Variants in GPR158 observed in about 807,000 individuals in gnomAD.
The protein encoded by GPR158 is metabotropic glycine receptor.
A neutral mutation model predicts 78.2 loss-of-function variants in GPR158; 30 were observed. That is an observed-to-expected ratio of 0.38 (90% CI 0.29 to 0.52). The LOEUF (loss-of-function observed/expected upper bound fraction) is 0.52. Among genes scored for constraint, GPR158 ranks in the 20% least tolerant of loss-of-function variants. The probability of loss-of-function intolerance (pLI) is 0.83; values close to 1 mark genes in which losing one functional copy is unlikely to be tolerated. For missense variants in GPR158, 1,463 were observed against 1,523.5 expected (o/e 0.96, Z 0.66); for synonymous variants, 581 against 591.1 (o/e 0.98, Z 0.25).
chr10:25,372,568 C>T (rs7089751), intron 2 of GPR158, among the ~76,000 whole-genome samples: 5,371 of 146,546 alleles, frequency 0.037, 267 homozygotes, highest in African/African-American at 0.11. Flanking sequence ...GGGACATGGA[C>T]GAAATTGGAA....
rs140843745 is a variant in GPR158 at position 25,480,922 on chromosome 10, G to A, written c.1404+14203G>A. Among the ~76,000 whole-genome samples, 395 of 152,238 alleles carry A rather than the reference G, an allele frequency of 2.6e-3. 2 individuals are homozygous for A. Among genetic ancestry groups the A allele is most frequent in the Admixed American group, 0.01 (157 of 15,282 alleles). On this transcript the variant is annotated intron_variant, in intron 5 of 10. Coordinates refer to ENST00000376351, the MANE Select transcript of GPR158 (RefSeq NM_020752.3). ...ATCCCTTTCATCAGGTATTAGTACTGGAAGACACCTTCGTGGCTCTTGTCT... is the reference window on the plus strand; with the variant it reads ...ATCCCTTTCATCAGGTATTAGTACTAGAAGACACCTTCGTGGCTCTTGTCT...
chr10:25,192,374 T>C (rs926039967), intron 1 of GPR158, among the ~76,000 whole-genome samples: 8 of 152,222 alleles, frequency 5.3e-5, no homozygotes, highest in East Asian at 3.8e-4. Flanking sequence ...CGGGCAGTTC[T>C]TTGTAGCAGT....
intron 4 of GPR158, among the ~76,000 whole-genome samples, chr10:25,433,882 A>G (rs2987841): frequency 0.7 from 105,867 of 151,268 alleles, 38,041 homozygotes; most frequent in Non-Finnish European, 0.8. Flanking sequence ...TAAATTGGTC[A>G]GGCGCGGTGG....
intron 9 of GPR158, 149 bp from the exon 10 acceptor site, chr10:25,596,494 T>C: frequency 1.8e-6 from 1 of 562,062 alleles, no homozygotes; most frequent in South Asian, 2.1e-5. Flanking sequence ...TCTCTCTCTC[T>C]CTATCTATCT....
rs184557982 is a variant in GPR158 at position 25,529,049 on chromosome 10, C to G, written c.1405-21927C>G. On this transcript the variant is annotated intron_variant, in intron 5 of 10. Transcript: ENST00000376351. ...TTTTCAACGAACGGTGCTGAAACAA[C>G]TGGATAAATATATGGGAGGAAGTAA... Among the ~76,000 whole-genome samples the G allele has an allele frequency of 3.9e-5, 6 of 152,240 alleles. No homozygotes were observed. In the East Asian group the frequency reaches 1.2e-3, roughly 29 times the overall value.
At chr10:25,269,543 T>C (rs1320441746) in intron 2 of GPR158, among the ~76,000 whole-genome samples, 1 of 152,192 alleles carries the variant, frequency 6.6e-6, no homozygotes, top group Non-Finnish European at 1.5e-5. Context: ...AAATTCTAGT[T>C]TTACTTTCAC....
At chr10:25,508,913 C>A (rs1056349049) in intron 5 of GPR158, among the ~76,000 whole-genome samples, 5 of 152,168 alleles carry the variant, frequency 3.3e-5, no homozygotes, top group South Asian at 2.1e-4. Flanking sequence ...TATGTTTTAA[C>A]ACGCCTTAGC....
chr10:25,544,177 T>A (rs1836627923), intron 5 of GPR158, among the ~76,000 whole-genome samples: 1 of 152,220 alleles, frequency 6.6e-6, no homozygotes, highest in Non-Finnish European at 1.5e-5. Flanking sequence ...AGTCCCTAGG[T>A]TACTTAATAA....
intron 2 of GPR158, among the ~76,000 whole-genome samples, chr10:25,370,914 A>G (rs1158220401): frequency 1.3e-5 from 2 of 151,450 alleles, no homozygotes; most frequent in Non-Finnish European, 2.9e-5. Context: ...TCCCTTTACC[A>G]TTAAGTAATG....
chr10:25,481,981 C>T (rs1277785979), intron 5 of GPR158, among the ~76,000 whole-genome samples: 1 of 152,132 alleles, frequency 6.6e-6, no homozygotes, highest in Non-Finnish European at 1.5e-5. Context: ...TCACATGGAG[C>T]CTCAGATTTT....
chr10:25,239,434 C>G (rs546815339), intron 2 of GPR158, among the ~76,000 whole-genome samples: 40 of 152,014 alleles, frequency 2.6e-4, no homozygotes, highest in Non-Finnish European at 4.7e-4. Flanking sequence ...TGGTGAAACC[C>G]CGTCTCTGCT....
At chr10:25,521,645 C>T (rs1398720188) in intron 5 of GPR158, among the ~76,000 whole-genome samples, 1 of 152,130 alleles carries the variant, frequency 6.6e-6, no homozygotes, top group African/African-American at 2.4e-5. Context: ...AGTTTCTTCT[C>T]ATTTGGTAGA....
intron 2 of GPR158, among the ~76,000 whole-genome samples, chr10:25,256,739 C>T (rs533846232): frequency 6.6e-6 from 1 of 152,194 alleles, no homozygotes; most frequent in South Asian, 2.1e-4. Flanking sequence ...TTTAGTTGTC[C>T]TCCTTTGTTG....
In GPR158 at chr10:25,599,233, G is replaced by C. The variant is rs527435328; in HGVS notation, c.3607G>C (p.Gly1203Arg). The change falls in exon 11 of 11, where the codon GGG (glycine) becomes CGG (arginine). Residue 1203 changes from glycine to arginine, a missense_variant. By Grantham distance (125) the Gly-to-Arg change is moderately radical (BLOSUM62 -2). Transcript: ENST00000376351. ...SSALSANKIA[G>R]PRKEEIWDSF... ...TGCTCTAAGTGCAAATAAGATAGCA[G>C]GGCCTAGGAAAGAAGAGATCTGGGA... The C allele has an allele frequency of 1.2e-6, 2 of 1,612,602 alleles. No individual in the cohort carries two copies. The highest frequency in any genetic ancestry group is 3.3e-5 in the Admixed American group (2 of 60,002).
intron 1 of GPR158, among the ~76,000 whole-genome samples, chr10:25,186,960 ATTT>A (rs1172184108): frequency 0.012 from 1,456 of 119,182 alleles, 16 homozygotes; most frequent in African/African-American, 0.046. Flanking sequence ...TCCCTAACTC[ATTT>A]TTTTTTTTTT....
At chr10:25,574,899 C>A (rs10828831) in intron 7 of GPR158, among the ~76,000 whole-genome samples, 30 of 151,506 alleles carry the variant, frequency 2.0e-4, no homozygotes, top group African/African-American at 3.9e-4. Flanking sequence ...AAATAAAAAA[C>A]AAAAAAAATA....
chr10:25,488,921 C>CT (rs1369827632), intron 5 of GPR158, among the ~76,000 whole-genome samples: 1 of 151,530 alleles, frequency 6.6e-6, no homozygotes. Context: ...GTATAGTGTG[C>CT]TAAAGTTCAT....
intron 2 of GPR158, among the ~76,000 whole-genome samples, chr10:25,364,770 T>C (rs1447711965): frequency 2.0e-5 from 3 of 151,850 alleles, no homozygotes; most frequent in African/African-American, 7.2e-5. Context: ...TTGACAGATA[T>C]TAGGAATGCT....
chr10:25,503,042 TTTATAG>T (rs1239183431), intron 5 of GPR158, among the ~76,000 whole-genome samples: 2 of 152,092 alleles, frequency 1.3e-5, no homozygotes, highest in African/African-American at 4.8e-5. Flanking sequence ...TGAGTGTAAC[TTTATAG>T]TTGTAGGAAA....
Sources: gnomAD v4.1 joint callset for allele counts (sites outside exome capture counted in the v4.1 genomes callset) on GRCh38, gnomAD v4.1.1 for gene constraint, MANE v1.5 for transcripts, NCBI Gene and HGNC (gene_info 2026-07-23, HGNC 2026-07-21) for gene names.